Variants in HAAO observed in about 807,000 individuals in gnomAD.
The protein encoded by HAAO is 3-hydroxyanthranilate oxygenase.
A neutral mutation model predicts 46.2 loss-of-function variants in HAAO; 49 were observed. That is an observed-to-expected ratio of 1.06 (90% CI 0.84 to 1.34). The LOEUF (loss-of-function observed/expected upper bound fraction) is 1.34, where lower values mean the gene tolerates loss of function less well. Ranked by LOEUF, HAAO falls within the 40% of genes most tolerant of loss-of-function variation. The pLI, the probability that HAAO is intolerant of heterozygous loss-of-function variation, is 0.00. For missense variants in HAAO, 408 were observed against 364.5 expected, an observed-to-expected ratio of 1.12 and a Z score of -0.97; for synonymous variants, 157 against 145.2, an observed-to-expected ratio of 1.08 and a Z score of -0.58.
chr2:42,792,021 C>T (rs1272778723), intron 1 of HAAO, among the ~76,000 whole-genome samples: 1 of 152,118 alleles, frequency 6.6e-6, no homozygotes, highest in Non-Finnish European at 1.5e-5. Context: ...TCTGCCTCCC[C>T]CTTTGCCTGT....
In HAAO at chr2:42,767,188, A is replaced by T; in HGVS notation, c.*249T>A. The T allele has an allele frequency of 1.7e-6, 1 of 590,060 alleles. No homozygotes were observed. The allele number at this position is 590,060 out of a possible 1,614,324, so 36.6% of individuals were successfully genotyped here. ...AATGGGCAGGAGCGGGGCCGGGGGT[A>T]GACCACCTGGCAAGACTGGCAAGGC... On this transcript the variant is annotated 3_prime_UTR_variant, in exon 10 of 10. Transcript: ENST00000294973.
At chr2:42,791,955 C>T (rs1326166956) in intron 1 of HAAO, among the ~76,000 whole-genome samples, 1 of 151,434 alleles carries the variant, frequency 6.6e-6, no homozygotes, top group Non-Finnish European at 1.5e-5. Context: ...TGCACACCTG[C>T]ATAGAGGGGC....
intron 4 of HAAO, among the ~76,000 whole-genome samples, chr2:42,774,985 A>G (rs979168856): frequency 2.0e-5 from 3 of 152,174 alleles, no homozygotes; most frequent in Admixed American, 6.5e-5. Context: ...ACAGTGGCTC[A>G]CACCTGTAAT....
intron 4 of HAAO, among the ~76,000 whole-genome samples, chr2:42,780,661 CTAAAG>C (rs961342667): frequency 6.6e-6 from 1 of 152,004 alleles, no homozygotes; most frequent in Non-Finnish European, 1.5e-5. Context: ...TCATAGAAGA[CTAAAG>C]TAATCTTTTT....
In HAAO at chr2:42,767,850, C is replaced by A; in HGVS notation, c.699+10G>T. On this transcript the variant is annotated intron_variant, in intron 8 of 9. Transcript: ENST00000294973. ...GGGGTTCTGCAACCCTGTCCCTGGGCCCCACTTGCCAGCTGCCACAGCCAC... is the reference window on the plus strand; with the variant it reads ...GGGGTTCTGCAACCCTGTCCCTGGGACCCACTTGCCAGCTGCCACAGCCAC... 1 of 1,613,290 alleles carries A rather than the reference C, an allele frequency of 6.2e-7. No homozygotes were observed. The highest frequency in any genetic ancestry group is 8.5e-7 in the Non-Finnish European group (1 of 1,179,266).
chr2:42,786,262 C>G (rs1269388234), intron 2 of HAAO, among the ~76,000 whole-genome samples: 6 of 152,154 alleles, frequency 3.9e-5, no homozygotes, highest in Non-Finnish European at 8.8e-5. Flanking sequence ...CAGGCCTGGC[C>G]TGGGGCAGAG....
intron 1 of HAAO, chr2:42,788,893 T>G: frequency 7.3e-6 from 3 of 408,602 alleles, no homozygotes; most frequent in Non-Finnish European, 1.4e-5. Flanking sequence ...AATCTATGGC[T>G]TCATCAACCA....
chr2:42,791,233 G>C (rs1672775095), intron 1 of HAAO, among the ~76,000 whole-genome samples: 1 of 152,168 alleles, frequency 6.6e-6, no homozygotes, highest in Non-Finnish European at 1.5e-5. Flanking sequence ...ACTGCCTTGT[G>C]AAGACGAAGG....
intron 1 of HAAO, 42 bp from the exon 2 acceptor site, chr2:42,788,649 T>G (rs1225606954): frequency 4.9e-6 from 6 of 1,234,258 alleles, no homozygotes; most frequent in Non-Finnish European, 7.2e-6. Context: ...AACCATCTCC[T>G]AGGAGTGAAG....
At chr2:42,770,807 C>G (rs950227302) in intron 4 of HAAO, among the ~76,000 whole-genome samples, 1 of 152,152 alleles carries the variant, frequency 6.6e-6, no homozygotes, top group Non-Finnish European at 1.5e-5. Context: ...CGGCTCTCTC[C>G]GGTTCCCAAA....
intron 8 of HAAO, 77 bp from the exon 9 acceptor site, chr2:42,767,754 G>A: frequency 1.3e-6 from 2 of 1,533,738 alleles, no homozygotes; most frequent in Non-Finnish European, 1.8e-6. Context: ...GTCTGCCTGG[G>A]CCCCAAGGCC....
chr2:42,785,249 T>C (rs1672301888), intron 2 of HAAO, among the ~76,000 whole-genome samples: 1 of 152,190 alleles, frequency 6.6e-6, no homozygotes, highest in Non-Finnish European at 1.5e-5. Flanking sequence ...TTGATGATGG[T>C]AAGAATGACA....
intron 4 of HAAO, among the ~76,000 whole-genome samples, chr2:42,781,601 G>A (rs1573937818): frequency 6.6e-6 from 1 of 152,222 alleles, no homozygotes; most frequent in Non-Finnish European, 1.5e-5. Flanking sequence ...GGCCAGGTGT[G>A]GTGGCTCATG....
intron 3 of HAAO, 61 bp downstream of exon 3, chr2:42,783,723 C>T (rs1035432020): frequency 1.4e-6 from 2 of 1,409,994 alleles, no homozygotes; most frequent in African/African-American, 2.8e-5. Flanking sequence ...GATGAGTGGA[C>T]AGGGCGGATT....
intron 4 of HAAO, among the ~76,000 whole-genome samples, chr2:42,775,106 G>A (rs1671441526): frequency 2.0e-5 from 3 of 152,122 alleles, no homozygotes; most frequent in Admixed American, 1.3e-4. Flanking sequence ...AATTAGCTGG[G>A]CGCAGTGGCG....
chr2:42,784,940 C>G (rs1227478493), intron 2 of HAAO, among the ~76,000 whole-genome samples: 1 of 152,184 alleles, frequency 6.6e-6, no homozygotes, highest in Non-Finnish European at 1.5e-5. Context: ...AGCTGGTCAC[C>G]ACACAACCTT....
intron 1 of HAAO, 32 bp downstream of exon 1, chr2:42,792,425 G>A (rs201967152): frequency 3.0e-6 from 4 of 1,328,520 alleles, no homozygotes; most frequent in East Asian, 5.3e-5. Flanking sequence ...GGAGGCGAGG[G>A]CAGGGGGCGG....
intron 4 of HAAO, among the ~76,000 whole-genome samples, chr2:42,780,909 T>TAAA (rs1671941911): frequency 5.2e-5 from 2 of 38,384 alleles, no homozygotes; most frequent in South Asian, 1.6e-3. Context: ...CTACTAAAAA[T>TAAA]ACAAAAAAAA....
chr2:42,769,773 G>T lies in HAAO; in HGVS notation c.570C>A (p.His190Gln). 1 of 1,614,022 alleles carries T rather than the reference G, an allele frequency of 6.2e-7. No homozygotes were observed. The highest frequency in any genetic ancestry group is 8.5e-7 in the Non-Finnish European group (1 of 1,179,974). The change falls in exon 7 of 10, where the codon CAC becomes CAA. Residue 190 changes from histidine (H) to glutamine (Q), a missense_variant. Physicochemically the swap from His to Gln is conservative, Grantham distance 24. Transcript: ENST00000294973. The stretch of plus-strand genomic sequence containing the variant: ...GTGTGCCTGCCTGCAGCTCCCTGTG[G>T]TGGCTGTCCAGCCAGGCATCCAGGG... Reference protein sequence around the residue: ...PMSLDAWLDSHHRELQAGTPL... With the variant: ...PMSLDAWLDSQHRELQAGTPL...
Sources: gnomAD v4.1 joint callset for allele counts (sites outside exome capture counted in the v4.1 genomes callset) on GRCh38, gnomAD v4.1.1 for gene constraint, MANE v1.5 for transcripts, NCBI Gene and HGNC (gene_info 2026-07-23, HGNC 2026-07-21) for gene names.